Variants in RIT2 observed in about 807,000 individuals in gnomAD.
RIT2 encodes GTP-binding protein Rit2.
RIT2 carries 24 observed loss-of-function variants against 23.7 expected under a neutral mutation model. The observed-to-expected ratio is 1.01, with a 90% CI of 0.73 to 1.43. The LOEUF is 1.43. Ranked by LOEUF, RIT2 falls within the 40% of genes most tolerant of loss-of-function variation. The probability of loss-of-function intolerance (pLI) is 0.00; values close to 1 mark genes in which losing one functional copy is unlikely to be tolerated. For missense variants in RIT2, 236 were observed against 266.9 expected, an observed-to-expected ratio of 0.88 and a Z score of 0.81; for synonymous variants, 107 against 91.1, an observed-to-expected ratio of 1.17 and a Z score of -0.99.
chr18:43,043,605 A>T (rs1912178737), intron 1 of RIT2, among the ~76,000 whole-genome samples: 1 of 152,134 alleles, frequency 6.6e-6, no homozygotes, highest in Non-Finnish European at 1.5e-5. Flanking sequence ...AGCCTGACCA[A>T]CATGGAGAAA....
chr18:42,837,628 A>G (rs1222123964), intron 4 of RIT2, among the ~76,000 whole-genome samples: 1 of 152,206 alleles, frequency 6.6e-6, no homozygotes. Context: ...GCTTTCTCCA[A>G]TAACACAGTT....
chr18:42,997,098 A>G (rs1911002354), intron 2 of RIT2, among the ~76,000 whole-genome samples: 1 of 152,140 alleles, frequency 6.6e-6, no homozygotes, highest in South Asian at 2.1e-4. Flanking sequence ...GCACCAGAGC[A>G]AAAGACAAGG....
At chr18:43,057,502 C>T (rs566094493) in intron 1 of RIT2, among the ~76,000 whole-genome samples, 2 of 152,268 alleles carry the variant, frequency 1.3e-5, no homozygotes, top group Non-Finnish European at 2.9e-5. Context: ...CTATGAATCT[C>T]ATGTTTCAAC....
chr18:42,840,559 ATG>A (rs1906736749), intron 4 of RIT2, among the ~76,000 whole-genome samples: 1 of 152,044 alleles, frequency 6.6e-6, no homozygotes, highest in Admixed American at 6.5e-5. Flanking sequence ...CTGGAGTGCA[ATG>A]CTCAGTCTCG....
At chr18:43,115,192 ATCC>A (rs1914039792) in intron 1 of RIT2, among the ~76,000 whole-genome samples, 3 of 152,164 alleles carry the variant, frequency 2.0e-5, no homozygotes, top group African/African-American at 7.2e-5. Context: ...GAAAACAATC[ATCC>A]TCTTAAGGTT....
At chr18:42,998,445 T>C (rs1010112010) in intron 2 of RIT2, among the ~76,000 whole-genome samples, 2 of 152,106 alleles carry the variant, frequency 1.3e-5, no homozygotes, top group Admixed American at 1.3e-4. Context: ...CTAAAGTGCA[T>C]AATACTCTTT....
intron 4 of RIT2, among the ~76,000 whole-genome samples, chr18:42,802,731 T>C (rs1382179295): frequency 6.6e-6 from 1 of 152,228 alleles, no homozygotes; most frequent in African/African-American, 2.4e-5. Flanking sequence ...GTTTTCAGGA[T>C]TGATTCTTCT....
At chr18:43,032,990 A>G (rs747554967) in intron 2 of RIT2, among the ~76,000 whole-genome samples, 7 of 152,068 alleles carry the variant, frequency 4.6e-5, no homozygotes, top group African/African-American at 9.7e-5. Flanking sequence ...AGTAATGGGG[A>G]GTGGTTAAAG....
At chr18:42,934,271 A>G (rs1263274754) in intron 3 of RIT2, among the ~76,000 whole-genome samples, 1 of 152,150 alleles carries the variant, frequency 6.6e-6, no homozygotes, top group African/African-American at 2.4e-5. Context: ...GTTTCATTGC[A>G]CTTTTAGACT....
intron 2 of RIT2, among the ~76,000 whole-genome samples, chr18:43,029,539 A>T (rs911059388): frequency 6.6e-6 from 1 of 152,004 alleles, no homozygotes; most frequent in African/African-American, 2.4e-5. Flanking sequence ...TAATGTAATG[A>T]CCTCAAGTCA....
chr18:42,793,072 T>A (rs1914078628), intron 4 of RIT2, among the ~76,000 whole-genome samples: 1 of 149,576 alleles, frequency 6.7e-6, no homozygotes, highest in African/African-American at 2.5e-5. Context: ...AAAAAAAAAA[T>A]GTGTGTTTCA....
At chr18:43,007,903 AAGAAAAGT>A (rs1415861817) in intron 2 of RIT2, among the ~76,000 whole-genome samples, 1 of 151,702 alleles carries the variant, frequency 6.6e-6, no homozygotes, top group African/African-American at 2.4e-5. Context: ...TCCAAAAACT[AAGAAAAGT>A]AGAAAAGATA....
At chr18:42,959,930 G>A (rs1220967731) in intron 3 of RIT2, among the ~76,000 whole-genome samples, 2 of 152,176 alleles carry the variant, frequency 1.3e-5, no homozygotes, top group African/African-American at 4.8e-5. Flanking sequence ...ACGTAGTATG[G>A]GTAAAATTCC....
chr18:43,029,390 T>C (rs961199336), intron 2 of RIT2, among the ~76,000 whole-genome samples: 4 of 151,976 alleles, frequency 2.6e-5, no homozygotes, highest in Non-Finnish European at 5.9e-5. Context: ...ACCAAATAAA[T>C]GGATGGGCAA....
chr18:43,000,145 T>G (rs1371965366), intron 2 of RIT2, among the ~76,000 whole-genome samples: 2 of 152,100 alleles, frequency 1.3e-5, no homozygotes, highest in Non-Finnish European at 2.9e-5. Context: ...TTGGAGAGAT[T>G]AGTAAATGTT....
intron 4 of RIT2, among the ~76,000 whole-genome samples, chr18:42,806,013 C>T (rs1237979247): frequency 1.3e-5 from 2 of 151,374 alleles, no homozygotes; most frequent in East Asian, 3.9e-4. Context: ...CTTTGCACTT[C>T]ATGTCACAAA....
rs181093675 is a variant in RIT2, at chr18:42,892,930, C to T, written c.426+30642G>A. 6.2e-3 allele frequency among the ~76,000 whole-genome samples: 948 copies of T among 152,248 alleles called. 6 individuals are homozygous for T. Among genetic ancestry groups the T allele is most frequent in the African/African-American group, 0.021 (876 of 41,562 alleles). ...CTAACACTAATTGTCTCTGTTATTA[C>T]CTCAACCTCTATCCAGCTTTGAATC... On this transcript the variant is annotated intron_variant, in intron 4 of 4. Transcript: ENST00000326695.
At chr18:42,900,393 C>T (rs577049835) in intron 4 of RIT2, among the ~76,000 whole-genome samples, 10 of 152,088 alleles carry the variant, frequency 6.6e-5, no homozygotes, top group South Asian at 2.1e-4. Flanking sequence ...GACAGGCAGA[C>T]GCAGTCACTT....
intron 4 of RIT2, among the ~76,000 whole-genome samples, chr18:42,808,262 T>C (rs1014191223): frequency 1.3e-5 from 2 of 152,200 alleles, no homozygotes; most frequent in African/African-American, 4.8e-5. Flanking sequence ...TCACAGATGC[T>C]GGATATTTAC....
Sources: allele counts gnomAD v4.1 joint callset (sites outside exome capture counted in the v4.1 genomes callset), GRCh38; gene constraint gnomAD v4.1.1; transcripts MANE v1.5; gene names NCBI Gene and HGNC (gene_info 2026-07-23, HGNC 2026-07-21).